RNF4: variants seen among roughly 807,000 people sequenced by gnomAD.
The protein encoded by RNF4 is ring finger protein 4.
Under a neutral mutation model 24.3 loss-of-function variants are expected in RNF4, and 7 were observed. That is an observed-to-expected ratio of 0.29 (90% CI 0.16 to 0.54). The LOEUF is 0.54. Ranked by LOEUF, RNF4 falls within the 20% of genes least tolerant of loss-of-function variation. The pLI is 0.95. For missense variants in RNF4, 209 were observed against 248.5 expected (o/e 0.84, Z 1.07); for synonymous variants, 83 against 84.3 (o/e 0.98, Z 0.09).
At chr4:2,509,658 C>T (rs779743325) in intron 4 of RNF4, among the ~76,000 whole-genome samples, 4 of 152,172 alleles carry the variant, frequency 2.6e-5, no homozygotes, top group Non-Finnish European at 5.9e-5. Context: ...GTGTGTATCA[C>T]CTGCTGCTTG....
At chr4:2,484,128 C>T (rs1258531967) in intron 1 of RNF4, among the ~76,000 whole-genome samples, 1 of 140,980 alleles carries the variant, frequency 7.1e-6, no homozygotes, top group Non-Finnish European at 1.5e-5. Flanking sequence ...CATGCCTGAC[C>T]CAGGTCTCTT....
chr4:2,475,585 G>A (rs759151200), intron 1 of RNF4, among the ~76,000 whole-genome samples: 4 of 151,724 alleles, frequency 2.6e-5, no homozygotes, highest in Admixed American at 2.0e-4. Flanking sequence ...AGATCCACCC[G>A]CCTCAGCCTC....
At chr4:2,485,089 A>G (rs1578505441) in intron 1 of RNF4, among the ~76,000 whole-genome samples, 1 of 150,872 alleles carries the variant, frequency 6.6e-6, no homozygotes, top group Non-Finnish European at 1.5e-5. Flanking sequence ...TTCTTAATTA[A>G]CTCCTCCTGT....
Position 2,513,857 on chromosome 4 carries a change from C to G in RNF4, c.*38C>G. ...CCCCCAGGAGAGACGGATGGACAGA[C>G]AGACAGCCAGGTTCTCCAGTGGTAT... is the stretch of plus-strand genomic sequence containing the variant. On this transcript the variant is annotated 3_prime_UTR_variant, in exon 8 of 8. Transcript: ENST00000314289. The G allele has an allele frequency of 6.2e-7, 1 of 1,612,350 alleles. No individual in the cohort carries two copies. Among genetic ancestry groups the G allele is most frequent in the Admixed American group, 1.7e-5 (1 of 59,966 alleles).
At chr4:2,502,044 C>G (rs916451699) in intron 4 of RNF4, among the ~76,000 whole-genome samples, 1 of 152,108 alleles carries the variant, frequency 6.6e-6, no homozygotes, top group Admixed American at 6.5e-5. Flanking sequence ...GCTTATCATC[C>G]CTGTGTCCTG....
At chr4:2,493,746 A>AG (rs1330967372) in intron 2 of RNF4, among the ~76,000 whole-genome samples, 1 of 147,898 alleles carries the variant, frequency 6.8e-6, no homozygotes, top group African/African-American at 2.5e-5. Context: ...TCCGTCTTAA[A>AG]AAAAAAAAAA....
intron 1 of RNF4, among the ~76,000 whole-genome samples, chr4:2,478,754 G>T (rs1735159520): frequency 6.6e-6 from 1 of 152,258 alleles, no homozygotes; most frequent in African/African-American, 2.4e-5. Context: ...GCAGGGGCGG[G>T]ACACTCATGG....
At chr4:2,508,011 G>A (rs1457529595) in intron 4 of RNF4, among the ~76,000 whole-genome samples, 1 of 151,996 alleles carries the variant, frequency 6.6e-6, no homozygotes, top group Admixed American at 6.6e-5. Flanking sequence ...ACACTGCCAT[G>A]CCCAGCTTAT....
chr4:2,485,722 A>G (rs1560403553), intron 1 of RNF4, among the ~76,000 whole-genome samples: 1 of 151,834 alleles, frequency 6.6e-6, no homozygotes, highest in Non-Finnish European at 1.5e-5. Context: ...CGCCATCAAC[A>G]CCCCACTCTT....
chr4:2,481,469 A>G (rs537000362), intron 1 of RNF4, among the ~76,000 whole-genome samples: 2 of 152,314 alleles, frequency 1.3e-5, no homozygotes, highest in South Asian at 2.1e-4. Flanking sequence ...TTGGTATGAT[A>G]TAAAGACTTT....
intron 4 of RNF4, among the ~76,000 whole-genome samples, chr4:2,507,481 G>T (rs1560413347): frequency 1.3e-5 from 2 of 152,224 alleles, no homozygotes; most frequent in African/African-American, 2.4e-5. Context: ...GTTGGACATT[G>T]AGTAGCCTTT....
chr4:2,495,939 C>G (rs1376736976), intron 2 of RNF4, among the ~76,000 whole-genome samples: 1 of 152,202 alleles, frequency 6.6e-6, no homozygotes, highest in Admixed American at 6.5e-5. Flanking sequence ...CCAGCTCTGT[C>G]TCTTGATTAA....
intron 1 of RNF4, among the ~76,000 whole-genome samples, chr4:2,486,096 T>C (rs1159107121): frequency 6.6e-6 from 1 of 152,202 alleles, no homozygotes; most frequent in Non-Finnish European, 1.5e-5. Context: ...TGGATGACTT[T>C]GGGGAAGTTC....
intron 1 of RNF4, among the ~76,000 whole-genome samples, chr4:2,476,876 G>C (rs1382545593): frequency 4.6e-5 from 7 of 151,176 alleles, no homozygotes; most frequent in Non-Finnish European, 1.0e-4. Context: ...CCACCTCCTG[G>C]GTTCAAGTGA....
intron 2 of RNF4, among the ~76,000 whole-genome samples, chr4:2,493,913 G>A (rs1248338868): frequency 6.6e-6 from 1 of 150,902 alleles, no homozygotes; most frequent in Non-Finnish European, 1.5e-5. Context: ...TGCAATATTG[G>A]CTCACTGCAA....
At chr4:2,488,637 C>CA (rs1735486340) in intron 1 of RNF4, among the ~76,000 whole-genome samples, 1 of 152,100 alleles carries the variant, frequency 6.6e-6, no homozygotes. Context: ...TGAGCCTTTC[C>CA]AGTGTGCCTG....
intron 1 of RNF4, among the ~76,000 whole-genome samples, chr4:2,489,234 G>T (rs1018196285): frequency 6.6e-6 from 1 of 152,184 alleles, no homozygotes; most frequent in Admixed American, 6.6e-5. Context: ...GAAAGTTGCT[G>T]CGGCAAATGT....
At chr4:2,510,485 A>C (rs577374174) in intron 4 of RNF4, among the ~76,000 whole-genome samples, 1 of 152,350 alleles carries the variant, frequency 6.6e-6, no homozygotes, top group African/African-American at 2.4e-5. Context: ...AGCCTCTGCC[A>C]GAAGTGTTTC....
intron 1 of RNF4, among the ~76,000 whole-genome samples, chr4:2,484,797 C>G (rs558665846): frequency 1.3e-5 from 2 of 152,114 alleles, no homozygotes; most frequent in South Asian, 4.1e-4. Context: ...GCCACTACCC[C>G]GAGCCTCATG....
Sources: allele counts gnomAD v4.1 joint callset (sites outside exome capture counted in the v4.1 genomes callset), GRCh38; gene constraint gnomAD v4.1.1; transcripts MANE v1.5; gene names NCBI Gene and HGNC (gene_info 2026-07-23, HGNC 2026-07-21).